Variants in SLC36A1 observed in about 807,000 individuals in gnomAD.
SLC36A1 encodes the protein solute carrier family 36 member 1.
A neutral mutation model predicts 47.5 loss-of-function variants in SLC36A1; 30 were observed. The observed-to-expected ratio is 0.63, with a 90% confidence interval of 0.47 to 0.86. The LOEUF is 0.86. Among genes scored for constraint, SLC36A1 ranks in the 40% least tolerant of loss-of-function variants. The probability of loss-of-function intolerance (pLI) is 0.00; values close to 1 mark genes in which losing one functional copy is unlikely to be tolerated. For synonymous variants in SLC36A1, 255 were observed against 249.7 expected, an observed-to-expected ratio of 1.02 and a Z score of -0.20; for missense variants, 517 against 606.0, an observed-to-expected ratio of 0.85 and a Z score of 1.54.
the SLC36A1 span, among the ~76,000 whole-genome samples, chr5:151,367,374 T>TTTTTTTTTTTTTTTTTTA: frequency 6.9e-6 from 1 of 145,466 alleles, no homozygotes; most frequent in Non-Finnish European, 1.5e-5. Context: ...TTTTTTTTTT[T>TTTTTTTTTTTTTTTTTTA]CCCCAGGGTA....
the SLC36A1 span, among the ~76,000 whole-genome samples, chr5:151,414,033 C>G: frequency 6.6e-6 from 1 of 152,142 alleles, no homozygotes; most frequent in Admixed American, 6.5e-5. Flanking sequence ...ATAACAAATA[C>G]TTGCCAAGTA....
chr5:151,506,035 G>A, the SLC36A1 span: 2 of 1,567,478 alleles, frequency 1.3e-6, no homozygotes, highest in Non-Finnish European at 1.7e-6. Flanking sequence ...TCGGAGTGGG[G>A]GTATTCCCAG....
chr5:151,462,281 A>G (rs879921112), intron 2 of SLC36A1, among the ~76,000 whole-genome samples: 1 of 152,188 alleles, frequency 6.6e-6, no homozygotes, highest in Non-Finnish European at 1.5e-5. Context: ...CATTTGGAAG[A>G]TCTGTGTAAA....
At chr5:151,522,355 C>G in the SLC36A1 span, among the ~76,000 whole-genome samples, 1 of 152,230 alleles carries the variant, frequency 6.6e-6, no homozygotes, top group Admixed American at 6.5e-5. Flanking sequence ...CATGTGACAT[C>G]TCTCTGAGCC....
chr5:151,378,685 C>G, the SLC36A1 span: 1 of 154,574 alleles, frequency 6.5e-6, no homozygotes, highest in Non-Finnish European at 1.5e-5. Context: ...CACCATCTGC[C>G]ATTACTGCCA....
At chr5:151,367,425 A>G in the SLC36A1 span, among the ~76,000 whole-genome samples, 4 of 147,716 alleles carry the variant, frequency 2.7e-5, no homozygotes, top group African/African-American at 5.1e-5. Context: ...ATTTAGCGAT[A>G]TGTTTCCTAC....
chr5:151,371,438 C>T, the SLC36A1 span, among the ~76,000 whole-genome samples: 1 of 152,174 alleles, frequency 6.6e-6, no homozygotes, highest in Non-Finnish European at 1.5e-5. Context: ...TTACAAACAA[C>T]CTTGCACTGT....
chr5:151,513,286 A>G, the SLC36A1 span, among the ~76,000 whole-genome samples: 4 of 152,232 alleles, frequency 2.6e-5, no homozygotes, highest in Non-Finnish European at 4.4e-5. Context: ...ATATAAAGAC[A>G]TACACTCATA....
At chr5:151,512,588 G>A in the SLC36A1 span, 1 of 1,609,800 alleles carries the variant, frequency 6.2e-7, no homozygotes, top group Non-Finnish European at 8.5e-7. The surrounding 1 kb of genome is among the most constrained non-coding windows in gnomAD (Gnocchi z 4.1). Flanking sequence ...TATTCCAGCT[G>A]GGGCACTCCA....
chr5:151,428,702 G>A, the SLC36A1 span, among the ~76,000 whole-genome samples: 1 of 151,908 alleles, frequency 6.6e-6, no homozygotes, highest in Admixed American at 6.6e-5. Context: ...GCATGATCTC[G>A]GCTCACTGCA....
At chr5:151,551,524 C>T in the SLC36A1 span, 25 of 1,614,100 alleles carry the variant, frequency 1.5e-5, no homozygotes, top group Non-Finnish European at 1.9e-5. Flanking sequence ...TATAGTTCGA[C>T]CTTCTCCTGG....
chr5:151,355,877 T>A, the SLC36A1 span, among the ~76,000 whole-genome samples: 1 of 152,320 alleles, frequency 6.6e-6, no homozygotes, highest in South Asian at 2.1e-4. Flanking sequence ...TGGTTGTATA[T>A]GCTTGAGAAA....
At chr5:151,420,561 C>T in the SLC36A1 span, among the ~76,000 whole-genome samples, 25,537 of 152,112 alleles carry the variant, frequency 0.17, 2,394 homozygotes, top group East Asian at 0.38. Flanking sequence ...CGCAGGAGCT[C>T]ATAATCCTAA....
the SLC36A1 span, among the ~76,000 whole-genome samples, chr5:151,357,286 TGA>T: frequency 6.6e-6 from 1 of 152,142 alleles, no homozygotes; most frequent in South Asian, 2.1e-4. Flanking sequence ...TGGTAGGTAG[TGA>T]GAGAAAGGTG....
downstream of SLC36A1, among the ~76,000 whole-genome samples, chr5:151,495,319 T>C (rs530920569): frequency 2.0e-5 from 3 of 152,362 alleles, 1 homozygote; most frequent in South Asian, 6.2e-4. Context: ...AGTCATCTAC[T>C]TCTTTTGATA....
chr5:151,540,467 C>T, the SLC36A1 span: 1 of 989,820 alleles, frequency 1.0e-6, no homozygotes, highest in Non-Finnish European at 1.5e-6. Context: ...TCTCCTGCCC[C>T]TCAATCTCCC....
chr5:151,444,465 A>G (rs1358264110), upstream of SLC36A1, among the ~76,000 whole-genome samples: 2 of 151,992 alleles, frequency 1.3e-5, no homozygotes, highest in South Asian at 2.1e-4. Context: ...TAGGTAGGTA[A>G]TTATTTGTGT....
the SLC36A1 span, chr5:151,380,860 A>G: frequency 2.2e-6 from 1 of 445,108 alleles, no homozygotes. Flanking sequence ...ACAGCAAAAC[A>G]AAGGCAAGGG....
chr5:151,512,714 G>A, the SLC36A1 span: 3 of 1,055,682 alleles, frequency 2.8e-6, no homozygotes, highest in East Asian at 2.6e-5. This position sits in a 1 kb window ranked among gnomAD's most constrained non-coding sequence, Gnocchi z 4.1. Flanking sequence ...GGGTAGGAGG[G>A]GGGTGTTTGG....
Sources: gnomAD v4.1 joint callset for allele counts (sites outside exome capture counted in the v4.1 genomes callset) on GRCh38, gnomAD v4.1.1 for gene constraint, Gnocchi (gnomAD v3.1) non-coding constraint, MANE v1.5 for transcripts, NCBI Gene and HGNC (gene_info 2026-07-23, HGNC 2026-07-21) for gene names.